The following FRK variants were observed in gnomAD, a reference collection of about 807,000 sequenced individuals.
FRK encodes the protein fyn related Src family tyrosine kinase.
FRK carries 51 observed loss-of-function variants against 56.4 expected under a neutral mutation model. That is an observed-to-expected ratio of 0.90 (90% confidence interval 0.72 to 1.14). The LOEUF (loss-of-function observed/expected upper bound fraction) is 1.14. FRK is among the 50% of genes most tolerant of loss of function. The pLI, the probability that FRK is intolerant of heterozygous loss-of-function variation, is 0.00. For synonymous variants in FRK, 245 were observed against 217.9 expected (o/e 1.12, Z -1.10); for missense variants, 570 against 601.4 (o/e 0.95, Z 0.55).
chr6:116,092,581 G>A, the FRK span, among the ~76,000 whole-genome samples: 4 of 152,160 alleles, frequency 2.6e-5, no homozygotes, highest in African/African-American at 7.2e-5. Flanking sequence ...CACTAAATCC[G>A]ACCTTCCTCG....
At chr6:115,989,064 G>T (rs1414542056) in intron 2 of FRK, among the ~76,000 whole-genome samples, 1 of 151,526 alleles carries the variant, frequency 6.6e-6, no homozygotes, top group Non-Finnish European at 1.5e-5. Context: ...ATGATATCTC[G>T]GTCTGAGAAG....
chr6:115,955,468 G>T (rs56203090), intron 5 of FRK, among the ~76,000 whole-genome samples: 7 of 152,148 alleles, frequency 4.6e-5, no homozygotes, highest in African/African-American at 1.7e-4. Context: ...TAATAGCTGA[G>T]TTTAATCTTT....
chr6:115,952,585 G>T (rs1389022889), intron 5 of FRK, among the ~76,000 whole-genome samples: 6 of 151,586 alleles, frequency 4.0e-5, no homozygotes, highest in Admixed American at 6.6e-5. Flanking sequence ...TATACCCAAA[G>T]GACTATAAAT....
chr6:115,939,160 C>G lies in FRK; in HGVS notation c.*3254G>C, dbSNP rs960889052. 4 of 152,156 alleles carry G rather than the reference C, an allele frequency of 2.6e-5. No individual in the cohort carries two copies. The highest frequency in any genetic ancestry group is 9.7e-5 in the African/African-American group (4 of 41,428). The allele number at this position is 152,156 out of a possible 1,614,324, so 9.4% of individuals were successfully genotyped here. On this transcript the variant is annotated 3_prime_UTR_variant, in exon 8 of 8. Transcript: ENST00000606080. Reference sequence around the variant, plus strand: ...CACCACGATCAAGTTGGCTTCATCCCTGAGACACAAGGCTGGTTCAACATA... The same window carrying G: ...CACCACGATCAAGTTGGCTTCATCCGTGAGACACAAGGCTGGTTCAACATA...
chr6:116,033,208 A>G (rs1352079719), intron 1 of FRK, among the ~76,000 whole-genome samples: 3 of 152,162 alleles, frequency 2.0e-5, no homozygotes, highest in African/African-American at 7.2e-5. Flanking sequence ...AGCTAATTAA[A>G]AGGTTACATT....
At chr6:115,975,217 T>C (rs1056334531) in intron 2 of FRK, among the ~76,000 whole-genome samples, 1 of 152,164 alleles carries the variant, frequency 6.6e-6, no homozygotes, top group African/African-American at 2.4e-5. Flanking sequence ...TCTAATTTCT[T>C]GATTTTTAAA....
rs549576886 is a variant in FRK at position 115,952,703 on chromosome 6, A to G, written c.958+3749T>C. Among the ~76,000 whole-genome samples the G allele has an allele frequency of 1.4e-3, 211 of 151,930 alleles. 1 individual carries two copies. Among genetic ancestry groups the G allele is most frequent in the African/African-American group, 4.9e-3 (205 of 41,516 alleles). ...TCCAACAATGATAGACTGGATTAAG[A>G]AAATGTGGCACATATACACCATGGA... On this transcript the variant is annotated intron_variant, in intron 5 of 7. Coordinates refer to ENST00000606080, the MANE Select transcript of FRK (RefSeq NM_002031.3).
chr6:116,006,877 T>G (rs1405265139), intron 1 of FRK, among the ~76,000 whole-genome samples: 1 of 152,122 alleles, frequency 6.6e-6, no homozygotes, highest in Non-Finnish European at 1.5e-5. Flanking sequence ...GTTCAAGGAT[T>G]AGAGTAAGTT....
At chr6:115,957,296 A>G (rs1773039569) in intron 4 of FRK, among the ~76,000 whole-genome samples, 1 of 152,246 alleles carries the variant, frequency 6.6e-6, no homozygotes, top group South Asian at 2.1e-4. Flanking sequence ...CTTGTCTGCA[A>G]TTAAATCGTA....
intron 1 of FRK, among the ~76,000 whole-genome samples, chr6:116,031,036 T>TA (rs1348470085): frequency 6.6e-6 from 1 of 152,074 alleles, no homozygotes; most frequent in Non-Finnish European, 1.5e-5. Context: ...ACTCTATCCT[T>TA]AAAAAAATCG....
intron 2 of FRK, among the ~76,000 whole-genome samples, chr6:116,002,160 A>G (rs946064764): frequency 5.9e-5 from 9 of 152,178 alleles, no homozygotes; most frequent in Non-Finnish European, 8.8e-5. Flanking sequence ...TCATAATGAG[A>G]AAAAAACATT....
At chr6:115,958,654 A>G (rs1360215166) in intron 4 of FRK, among the ~76,000 whole-genome samples, 1 of 2,542 alleles carries the variant, frequency 3.9e-4, no homozygotes, top group Non-Finnish European at 7.2e-4. Flanking sequence ...AAAAGAAAGA[A>G]AGAAAGAAAG....
At chr6:116,085,435 T>A in the FRK span, among the ~76,000 whole-genome samples, 1 of 152,246 alleles carries the variant, frequency 6.6e-6, no homozygotes, top group Admixed American at 6.5e-5. Context: ...ATAACACATA[T>A]GTATTATGCA....
chr6:116,000,226 T>TC (rs1263976361), intron 2 of FRK, among the ~76,000 whole-genome samples: 3 of 17,890 alleles, frequency 1.7e-4, no homozygotes, highest in Middle Eastern at 0.038. Context: ...ATTCTTTCTT[T>TC]TTTTTTTTTT....
the FRK span, among the ~76,000 whole-genome samples, chr6:116,091,617 A>T: frequency 6.6e-6 from 1 of 152,056 alleles, no homozygotes; most frequent in South Asian, 2.1e-4. Context: ...GTACCATCGG[A>T]CCCCTTTCGC....
chr6:115,947,111 T>C (rs1431477879), intron 5 of FRK, among the ~76,000 whole-genome samples: 11 of 152,130 alleles, frequency 7.2e-5, no homozygotes. Flanking sequence ...GGGGTTGTAA[T>C]TGACAAAGTA....
chr6:115,968,688 C>T lies in FRK; in HGVS notation c.518G>A (p.Gly173Glu). 1 of 1,613,844 alleles carries T rather than the reference C, an allele frequency of 6.2e-7. No homozygotes were observed. Among genetic ancestry groups the T allele is most frequent in the East Asian group, 2.2e-5 (1 of 44,872 alleles). ...KHYRIKRLDE[G>E]GFFLTRRRIF... ...TCTTCTTCGCGTGAGAAAAAATCCC[C>T]CTTCATCCAGTCTTTTAATTCTGTA... The change falls in exon 3 of 8, where the codon GGG (glycine) becomes GAG (glutamate). Residue 173 changes from glycine to glutamate, a missense_variant. Gly to Glu is a moderately conservative substitution (Grantham distance 98, BLOSUM62 -2). Coordinates refer to ENST00000606080, the MANE Select transcript of FRK (RefSeq NM_002031.3).
intron 5 of FRK, among the ~76,000 whole-genome samples, chr6:115,945,726 G>T (rs908588603): frequency 6.6e-6 from 1 of 152,004 alleles, no homozygotes; most frequent in Non-Finnish European, 1.5e-5. Flanking sequence ...TATTACATTT[G>T]TACCACCAAG....
intron 5 of FRK, among the ~76,000 whole-genome samples, chr6:115,946,098 A>G (rs1413569476): frequency 6.6e-6 from 1 of 152,156 alleles, no homozygotes; most frequent in Non-Finnish European, 1.5e-5. Context: ...AGAATCTCAC[A>G]TCAACTCAAA....
Sources: gnomAD v4.1 joint callset for allele counts (sites outside exome capture counted in the v4.1 genomes callset) on GRCh38, gnomAD v4.1.1 for gene constraint, MANE v1.5 for transcripts, NCBI Gene and HGNC (gene_info 2026-07-23, HGNC 2026-07-21) for gene names.